The following PCNX1 variants were observed in gnomAD, a reference collection of about 807,000 sequenced individuals.
The protein encoded by PCNX1 is pecanex-like protein 1.
In PCNX1, 78 loss-of-function variants were observed where a neutral mutation model predicts 242.2. The observed-to-expected ratio is 0.32, with a 90% CI of 0.27 to 0.39. The LOEUF (loss-of-function observed/expected upper bound fraction) is 0.39. Among genes scored for constraint, PCNX1 ranks in the 10% least tolerant of loss-of-function variants. The pLI, the probability that PCNX1 is intolerant of heterozygous loss-of-function variation, is 1.00. For synonymous variants in PCNX1, 1,024 were observed against 1,032.9 expected, an observed-to-expected ratio of 0.99 and a Z score of 0.17; for missense variants, 2,581 against 2,856.5, an observed-to-expected ratio of 0.90 and a Z score of 2.20.
intron 17 of PCNX1, 80 bp from the exon 18 acceptor site, chr14:71,033,851 A>G: frequency 5.2e-6 from 4 of 774,410 alleles, no homozygotes; most frequent in South Asian, 3.1e-5. Flanking sequence ...TTGGTTTTCT[A>G]TCATAAACTT....
At chr14:71,091,800 T>C (rs2062140279) in intron 30 of PCNX1, among the ~76,000 whole-genome samples, 1 of 152,310 alleles carries the variant, frequency 6.6e-6, no homozygotes, top group East Asian at 1.9e-4. Flanking sequence ...TGGTACATAT[T>C]AATATTATAT....
rs565544458 is a variant in PCNX1, at chr14:70,951,710, A to G, written c.362+4587A>G. On this transcript the variant is annotated intron_variant, in intron 2 of 35. Coordinates refer to ENST00000304743, the MANE Select transcript of PCNX1 (RefSeq NM_014982.3). ...TTATTTTGATTATTCTCATGCATAT[A>G]CTTACTTTTGTGAGATATCTTCATG... Among the ~76,000 whole-genome samples, 16 of 152,146 alleles carry G rather than the reference A, an allele frequency of 1.1e-4. No homozygotes were observed. The East Asian group carries it at 3.1e-3, about 29-fold the overall frequency.
chr14:70,909,276 AAAG>A (rs982113775), intron 1 of PCNX1, among the ~76,000 whole-genome samples: 11 of 151,888 alleles, frequency 7.2e-5, no homozygotes, highest in African/African-American at 2.4e-4. Context: ...GTTAAAAAAA[AAAG>A]CCATTAAGAA....
chr14:71,029,048 G>A (rs1045565383), intron 16 of PCNX1, among the ~76,000 whole-genome samples: 1 of 152,018 alleles, frequency 6.6e-6, no homozygotes, highest in African/African-American at 2.4e-5. Flanking sequence ...TTGAAAACTA[G>A]GCTCATCTGG....
At chr14:71,082,235 A>G (rs1315984068) in intron 28 of PCNX1, among the ~76,000 whole-genome samples, 4 of 152,200 alleles carry the variant, frequency 2.6e-5, no homozygotes, top group Middle Eastern at 3.4e-3. Flanking sequence ...GTTTGTTTTG[A>G]TATCTGTTCT....
At chr14:70,984,133 A>G (rs2140196144) in intron 6 of PCNX1, among the ~76,000 whole-genome samples, 1 of 151,376 alleles carries the variant, frequency 6.6e-6, no homozygotes, top group African/African-American at 2.4e-5. Context: ...TTAATTTCCT[A>G]ATAGCATTTT....
At chr14:70,968,925 A>T (rs567258181) in intron 4 of PCNX1, 96 bp from the exon 5 acceptor site, 9 of 720,804 alleles carry the variant, frequency 1.2e-5, no homozygotes, top group Non-Finnish European at 2.0e-5. Flanking sequence ...GTTGATAGAC[A>T]TTAGTACTCC....
chr14:70,917,170 CT>C (rs777308174), intron 1 of PCNX1, among the ~76,000 whole-genome samples: 1 of 152,210 alleles, frequency 6.6e-6, no homozygotes, highest in South Asian at 2.1e-4. Context: ...CCACTGAAGT[CT>C]TAAACCCCTC....
At chr14:70,989,531 TA>T (rs200290420) in intron 7 of PCNX1, among the ~76,000 whole-genome samples, 32 of 135,040 alleles carry the variant, frequency 2.4e-4, no homozygotes, top group African/African-American at 6.8e-4. Flanking sequence ...AAAACAGATA[TA>T]AATTTTTTTT....
At chr14:71,025,564 TAC>T (rs2060220014) in intron 13 of PCNX1, among the ~76,000 whole-genome samples, 1 of 152,150 alleles carries the variant, frequency 6.6e-6, no homozygotes, top group African/African-American at 2.4e-5. Flanking sequence ...TGTACATATA[TAC>T]ACACGTATAT....
chr14:71,027,741 C>A (rs1250760580), intron 15 of PCNX1, among the ~76,000 whole-genome samples: 1 of 151,806 alleles, frequency 6.6e-6, no homozygotes, highest in East Asian at 1.9e-4. Context: ...TGCTGTATAT[C>A]ATACTAGAGA....
chr14:71,099,035 G>A (rs1424129877), intron 30 of PCNX1, among the ~76,000 whole-genome samples: 1 of 151,898 alleles, frequency 6.6e-6, no homozygotes, highest in African/African-American at 2.4e-5. Flanking sequence ...ATTTCTTTAC[G>A]CAAAAGTCAT....
At chr14:70,980,569 T>C (rs2058808768) in intron 6 of PCNX1, among the ~76,000 whole-genome samples, 1 of 152,108 alleles carries the variant, frequency 6.6e-6, no homozygotes, top group African/African-American at 2.4e-5. Flanking sequence ...CTTAAATGTG[T>C]TGGGGGTTTT....
intron 29 of PCNX1, 70 bp from the exon 30 acceptor site, chr14:71,089,122 C>A: frequency 8.7e-7 from 1 of 1,149,592 alleles, no homozygotes; most frequent in Non-Finnish European, 1.3e-6. Context: ...GATGCACACG[C>A]AGATGTAAGA....
At chr14:70,919,469 A>G (rs1235962499) in intron 1 of PCNX1, among the ~76,000 whole-genome samples, 1 of 152,064 alleles carries the variant, frequency 6.6e-6, no homozygotes, top group African/African-American at 2.4e-5. Flanking sequence ...TCTCTTAGGA[A>G]AGCTGGAGGG....
intron 1 of PCNX1, among the ~76,000 whole-genome samples, chr14:70,918,077 A>G (rs572648370): frequency 6.6e-6 from 1 of 152,270 alleles, no homozygotes; most frequent in Admixed American, 6.5e-5. Flanking sequence ...CTTGCTGTGG[A>G]TTAGGCTTTT....
rs111548108 is a variant in PCNX1 at position 71,003,106 on chromosome 14, A to G, written c.2630-6528A>G. ...TTTTTTTTTTTTTTTTTTTTGAGACAGAGTCTCACTCTTGTTGTCCAGCCT... is the reference window on the plus strand; with the variant it reads ...TTTTTTTTTTTTTTTTTTTTGAGACGGAGTCTCACTCTTGTTGTCCAGCCT... On this transcript the variant is annotated intron_variant, in intron 8 of 35. Coordinates refer to ENST00000304743, the MANE Select transcript of PCNX1 (RefSeq NM_014982.3). Among the ~76,000 whole-genome samples the G allele has an allele frequency of 3.0e-4, 23 of 75,600 alleles. 3 individuals carry two copies. The highest frequency in any genetic ancestry group is 1.6e-3 in the African/African-American group (21 of 13,162). The allele number at this position is 75,600 out of a possible 152,430, so 49.6% of individuals were successfully genotyped here. A position where few individuals can be genotyped will look rare whatever the true frequency, so the allele number is the denominator to read the frequency against.
intron 26 of PCNX1, among the ~76,000 whole-genome samples, chr14:71,059,142 T>G (rs1186898502): frequency 6.6e-6 from 1 of 152,170 alleles, no homozygotes; most frequent in Admixed American, 6.5e-5. Flanking sequence ...GGGGGGTGGT[T>G]CTTCTTACCA....
At chr14:71,003,102 A>ATTTTTT (rs2059556546) in intron 8 of PCNX1, among the ~76,000 whole-genome samples, 3 of 25,744 alleles carry the variant, frequency 1.2e-4, no homozygotes, top group African/African-American at 9.3e-4. Context: ...TTTTTTTTTG[A>ATTTTTT]GACAGAGTCT....
Sources: gnomAD v4.1 joint callset for allele counts (sites outside exome capture counted in the v4.1 genomes callset) on GRCh38, gnomAD v4.1.1 for gene constraint, MANE v1.5 for transcripts, NCBI Gene and HGNC (gene_info 2026-07-23, HGNC 2026-07-21) for gene names.